Variants in ATRNL1 observed in about 807,000 individuals in gnomAD.
ATRNL1 encodes the protein attractin-like protein 1.
Under a neutral mutation model 182.7 loss-of-function variants are expected in ATRNL1, and 95 were observed. The ratio of observed to expected loss-of-function variants is 0.52; its 90% CI spans 0.44 to 0.62. The LOEUF (loss-of-function observed/expected upper bound fraction) is 0.62, where lower values mean the gene tolerates loss of function less well. Ranked by LOEUF, ATRNL1 falls within the 20% of genes least tolerant of loss-of-function variation. The pLI is 0.00. For synonymous variants in ATRNL1, 576 were observed against 568.3 expected, an observed-to-expected ratio of 1.01 and a Z score of -0.19; for missense variants, 1,471 against 1,679.5, an observed-to-expected ratio of 0.88 and a Z score of 2.17.
At chr10:115,846,588 A>G (rs552215540) in intron 27 of ATRNL1, among the ~76,000 whole-genome samples, 1 of 152,222 alleles carries the variant, frequency 6.6e-6, no homozygotes, top group East Asian at 1.9e-4. Context: ...TATATCAACC[A>G]TGTCTCTTCT....
At chr10:115,912,999 A>G (rs1249498848) in intron 28 of ATRNL1, among the ~76,000 whole-genome samples, 1 of 152,144 alleles carries the variant, frequency 6.6e-6, no homozygotes, top group African/African-American at 2.4e-5. Flanking sequence ...TTAGCAGACA[A>G]ATTGTGAGAT....
intron 28 of ATRNL1, among the ~76,000 whole-genome samples, chr10:115,907,317 G>T (rs946852882): frequency 1.3e-5 from 2 of 152,180 alleles, no homozygotes; most frequent in Non-Finnish European, 2.9e-5. Context: ...AGTTTCTATG[G>T]TAACCTTAAC....
intron 26 of ATRNL1, among the ~76,000 whole-genome samples, chr10:115,641,567 A>G (rs1413969470): frequency 2.6e-5 from 4 of 152,208 alleles, no homozygotes; most frequent in African/African-American, 9.6e-5. Flanking sequence ...TAGAAAAACT[A>G]GACTCCACAG....
At chr10:115,794,170 T>G (rs569699582) in intron 27 of ATRNL1, among the ~76,000 whole-genome samples, 1 of 152,272 alleles carries the variant, frequency 6.6e-6, no homozygotes, top group Non-Finnish European at 1.5e-5. Flanking sequence ...TCAGGCCTTG[T>G]GACACAGTAT....
intron 27 of ATRNL1, among the ~76,000 whole-genome samples, chr10:115,769,197 G>A (rs1948928092): frequency 6.6e-6 from 1 of 152,094 alleles, no homozygotes. Flanking sequence ...AGTAATGTAT[G>A]GAGGCTATCT....
chr10:115,549,475 T>TG lies in ATRNL1; in HGVS notation c.3735dup (p.Leu1246AlafsTer38), dbSNP rs1189411351. On this transcript the variant is annotated frameshift_variant, in exon 26 of 29. Coordinates refer to ENST00000355044, the MANE Select transcript of ATRNL1 (RefSeq NM_207303.4). LOFTEE classifies it high-confidence loss of function. ...TTTTCCAGTTGTTTCCTATCCTTAT[T>TG]GCTGGTGGCTGCTGTGGTATGGAAG... 5.6e-6 allele frequency: 9 copies of TG among 1,602,892 alleles called. No homozygotes were observed. The highest frequency in any genetic ancestry group is 7.7e-6 in the Non-Finnish European group (9 of 1,174,152).
intron 14 of ATRNL1, among the ~76,000 whole-genome samples, chr10:115,285,417 G>T (rs939587958): frequency 6.6e-6 from 1 of 151,878 alleles, no homozygotes; most frequent in African/African-American, 2.4e-5. Flanking sequence ...GGCTAGAGGC[G>T]CTAATACATT....
intron 26 of ATRNL1, among the ~76,000 whole-genome samples, chr10:115,642,450 T>TG (rs398040299): frequency 2.1e-5 from 3 of 144,856 alleles, no homozygotes; most frequent in Non-Finnish European, 2.9e-5. Flanking sequence ...CTTTTTTTTT[T>TG]CTTTTTTTTT....
intron 26 of ATRNL1, among the ~76,000 whole-genome samples, chr10:115,672,140 A>T (rs1945716055): frequency 6.6e-6 from 1 of 152,124 alleles, no homozygotes; most frequent in Admixed American, 6.6e-5. Flanking sequence ...AACAATTACG[A>T]CTACCATTTA....
chr10:115,886,628 T>C (rs1555109887), intron 28 of ATRNL1, among the ~76,000 whole-genome samples: 2 of 152,256 alleles, frequency 1.3e-5, no homozygotes, highest in Non-Finnish European at 2.9e-5. Context: ...GTTTTACATT[T>C]GTTTGGATTG....
chr10:115,896,845 T>C (rs1443858209), intron 28 of ATRNL1, among the ~76,000 whole-genome samples: 2 of 152,114 alleles, frequency 1.3e-5, no homozygotes, highest in Admixed American at 1.3e-4. Context: ...TAAAATAGTG[T>C]ACTATAAAAA....
In ATRNL1 at chr10:115,646,036, T is replaced by TACACACACACACACACAC. The variant is rs58679995; in HGVS notation, c.3796-81196_3796-81179dup. ...TATGTTTTTACAAAATTTTAAAATT[T>TACACACACACACACACAC]ACACACACACACACACACACACACA... On this transcript the variant is annotated intron_variant, in intron 26 of 28. Transcript: ENST00000355044. 8.4e-3 allele frequency among the ~76,000 whole-genome samples: 1,183 copies of TACACACACACACACACAC among 141,632 alleles called. 8 individuals are homozygous for TACACACACACACACACAC. The highest frequency in any genetic ancestry group is 0.012 in the Non-Finnish European group (808 of 65,324). 92.9% of individuals were successfully genotyped at this position (141,632 alleles called of 152,430 possible).
At chr10:115,737,137 C>T (rs1947975075) in intron 27 of ATRNL1, among the ~76,000 whole-genome samples, 1 of 151,882 alleles carries the variant, frequency 6.6e-6, no homozygotes, top group African/African-American at 2.4e-5. Context: ...AAAAGGTATA[C>T]TTCATTGGGT....
Position 115,562,235 on chromosome 10 carries a change from C to T in ATRNL1, c.3795+12699C>T, listed in dbSNP as rs557359242. On this transcript the variant is annotated intron_variant, in intron 26 of 28. Transcript: ENST00000355044. ...ATGCATGTTATAACAAAGAAAGATC[C>T]TTGAAAACATTAGGCAAATCTAAAG... Among the ~76,000 whole-genome samples, 3 of 152,124 alleles carry T rather than the reference C, an allele frequency of 2.0e-5. No homozygotes were observed. The South Asian group carries it at 6.2e-4, about 32-fold the overall frequency.
At chr10:115,463,837 T>G (rs2134541496) in intron 22 of ATRNL1, among the ~76,000 whole-genome samples, 1 of 152,204 alleles carries the variant, frequency 6.6e-6, no homozygotes, top group East Asian at 1.9e-4. Flanking sequence ...GAGGTCATTC[T>G]TTACCTTTAG....
At chr10:115,932,471 T>A (rs1196055157) in intron 28 of ATRNL1, among the ~76,000 whole-genome samples, 1 of 152,210 alleles carries the variant, frequency 6.6e-6, no homozygotes, top group Non-Finnish European at 1.5e-5. Context: ...TTCAGTAAGG[T>A]CTAAGCAATT....
chr10:115,848,024 C>T (rs1555099411), intron 28 of ATRNL1, 33 bp downstream of exon 28: 2 of 1,198,698 alleles, frequency 1.7e-6, no homozygotes, highest in Admixed American at 3.4e-5. Flanking sequence ...AGCAGTTAAG[C>T]AAAACTTGTA....
intron 17 of ATRNL1, among the ~76,000 whole-genome samples, chr10:115,311,527 C>T (rs1406376759): frequency 6.6e-6 from 1 of 151,050 alleles, no homozygotes; most frequent in Non-Finnish European, 1.5e-5. Flanking sequence ...TGTTTTGTGG[C>T]CTGTCATATG....
intron 8 of ATRNL1, among the ~76,000 whole-genome samples, chr10:115,181,917 A>G (rs946598341): frequency 6.6e-6 from 1 of 151,666 alleles, no homozygotes; most frequent in Admixed American, 6.6e-5. Context: ...TTAGACAAAT[A>G]AGAAGATGAA....
Sources: gnomAD v4.1 joint callset for allele counts (sites outside exome capture counted in the v4.1 genomes callset) on GRCh38, gnomAD v4.1.1 for gene constraint, MANE v1.5 for transcripts, NCBI Gene and HGNC (gene_info 2026-07-23, HGNC 2026-07-21) for gene names.